The following ADGRG3 variants were observed in gnomAD, a reference collection of about 807,000 sequenced individuals.
The protein encoded by ADGRG3 is adhesion G protein-coupled receptor G3, also known as G protein-coupled receptor 97.
Under a neutral mutation model 54.3 loss-of-function variants are expected in ADGRG3, and 39 were observed. That is an observed-to-expected ratio of 0.72 (90% confidence interval 0.56 to 0.94). The LOEUF is 0.94. Ranked by LOEUF, ADGRG3 falls within the 40% of genes least tolerant of loss-of-function variation. ADGRG3 has a pLI of 0.00. For synonymous variants in ADGRG3, 312 were observed against 290.0 expected (o/e 1.08, Z -0.77); for missense variants, 654 against 694.6 (o/e 0.94, Z 0.66).
chr16:57,682,829 G>A lies in ADGRG3; in HGVS notation c.882-1103G>A, dbSNP rs568713330. ...TGCTCTGTGACCCCATAAGGCTCCC[G>A]TCCCTCTCTAAGCCTCACTCTCCTA... On this transcript the variant is annotated intron_variant, in intron 8 of 11. Coordinates refer to ENST00000333493, the MANE Select transcript of ADGRG3 (RefSeq NM_170776.5). 7.2e-5 allele frequency among the ~76,000 whole-genome samples: 11 copies of A among 152,298 alleles called. No individual in the cohort carries two copies. The East Asian group carries it at 1.2e-3, about 16-fold the overall frequency.
At chr16:57,681,743 A>AG (rs1261436348) in intron 8 of ADGRG3, among the ~76,000 whole-genome samples, 4 of 149,488 alleles carry the variant, frequency 2.7e-5, no homozygotes, top group South Asian at 4.2e-4. Context: ...AAAAAAAAAA[A>AG]AAAGAGAGAG....
Position 57,678,175 on chromosome 16 carries a change from G to C in ADGRG3, c.351G>C (p.Pro117=). Residue 117 remains proline, a synonymous_variant, in exon 4 of 12, where the codon CCG becomes CCC. Coordinates refer to ENST00000333493, the MANE Select transcript of ADGRG3 (RefSeq NM_170776.5). ...FYFSLEPSQV[P]RQVMKDEDKP... is the part of the protein sequence containing the mutation. ...TGCTGTGTCTGTGGTTGTAGGTTCC[G>C]AGGCAGGTGATGAAGGACGAGGACA... is the stretch of plus-strand genomic sequence containing the variant. 1 of 1,614,108 alleles carries C rather than the reference G, an allele frequency of 6.2e-7. No homozygotes were observed. The highest frequency in any genetic ancestry group is 8.5e-7 in the Non-Finnish European group (1 of 1,179,980).
rs376617355 is a variant in ADGRG3 at position 57,668,341 on chromosome 16, G to C, written c.-7G>C. 92 of 1,566,752 alleles carry C rather than the reference G, an allele frequency of 5.9e-5. No homozygotes were observed. In the African/African-American group the frequency reaches 1.0e-3, roughly 17 times the overall value. ...AGAGCTCCTGGCGTGGGCAAGGCTGGCCAAGGATGGCGACGCCCAGGGGCC... is the reference window on the plus strand; with the variant it reads ...AGAGCTCCTGGCGTGGGCAAGGCTGCCCAAGGATGGCGACGCCCAGGGGCC... On this transcript the variant is annotated 5_prime_UTR_variant, in exon 1 of 12. Coordinates refer to ENST00000333493, the MANE Select transcript of ADGRG3 (RefSeq NM_170776.5).
chr16:57,684,554 G>A, intron 10 of ADGRG3, 71 bp downstream of exon 10: 1 of 1,085,816 alleles, frequency 9.2e-7, no homozygotes, highest in East Asian at 2.4e-5. Context: ...GGAGAGAGGT[G>A]GGGAGAGGAG....
chr16:57,687,276 A>T (rs1328489577), intron 11 of ADGRG3, among the ~76,000 whole-genome samples: 1 of 150,120 alleles, frequency 6.7e-6, no homozygotes, highest in Non-Finnish European at 1.5e-5. Flanking sequence ...ATTGAGATGG[A>T]GTCTTGCTCT....
At chr16:57,684,560 AGGAG>A in intron 10 of ADGRG3, 77 bp downstream of exon 10, 2 of 1,068,660 alleles carry the variant, frequency 1.9e-6, no homozygotes, top group Non-Finnish European at 2.8e-6. Context: ...AGGTGGGGAG[AGGAG>A]GGATTTCTAG....
At position 57,676,189 on chromosome 16, in the gene ADGRG3, G is replaced by A; in HGVS notation, c.207-11G>A. On this transcript the variant is annotated splice_polypyrimidine_tract_variant and intron_variant, in intron 2 of 11. Coordinates refer to ENST00000333493, the MANE Select transcript of ADGRG3 (RefSeq NM_170776.5). Reference sequence around the variant, plus strand: ...GGATCCTACCCTCCCCCCATCCCTGGCCCTTTGCAGATACTGGCTAAACTA... The same window carrying A: ...GGATCCTACCCTCCCCCCATCCCTGACCCTTTGCAGATACTGGCTAAACTA... 6.2e-7 allele frequency: 1 copy of A among 1,613,374 alleles called. No homozygotes were observed. The highest frequency in any genetic ancestry group is 8.5e-7 in the Non-Finnish European group (1 of 1,179,492).
chr16:57,673,678 C>T (rs1260713345), intron 2 of ADGRG3, among the ~76,000 whole-genome samples: 1 of 152,130 alleles, frequency 6.6e-6, no homozygotes, highest in East Asian at 1.9e-4. Flanking sequence ...GAGATGAATC[C>T]ACTCCTATCC....
chr16:57,686,795 A>G (rs1567863371), intron 11 of ADGRG3: 2 of 152,254 alleles, frequency 1.3e-5, no homozygotes, highest in East Asian at 1.9e-4. Context: ...TGATGTCCAC[A>G]TGACATGGAT....
In ADGRG3 at chr16:57,682,515, A is replaced by G. The variant is rs8047692; in HGVS notation, c.882-1417A>G. ...GCCTAGGACATGGTCCCCATCCCCA[A>G]CAAGCCGAGTGTGACTTGCCAGCTG... On this transcript the variant is annotated intron_variant, in intron 8 of 11. Coordinates refer to ENST00000333493, the MANE Select transcript of ADGRG3 (RefSeq NM_170776.5). 0.025 allele frequency: 24,667 copies of G among 985,188 alleles called. 3,524 individuals carry two copies. The African/African-American group carries it at 0.33, about 13-fold the overall frequency. The allele number at this position is 985,188 out of a possible 1,614,324, so 61.0% of individuals were successfully genotyped here.
chr16:57,678,537 C>A (rs754191276), intron 4 of ADGRG3: 1 of 576,374 alleles, frequency 1.7e-6, no homozygotes, highest in Non-Finnish European at 3.1e-6. Flanking sequence ...TGTTTGACCC[C>A]CACACATGAG....
intron 8 of ADGRG3, 96 bp downstream of exon 8, chr16:57,680,713 C>A: frequency 3.7e-6 from 3 of 811,316 alleles, no homozygotes; most frequent in African/African-American, 1.7e-5. Flanking sequence ...AGCCTCTGAC[C>A]GTTGTCCCCT....
intron 1 of ADGRG3, 108 bp downstream of exon 1, chr16:57,668,513 G>T (rs1360226950): frequency 9.3e-7 from 1 of 1,080,814 alleles, no homozygotes; most frequent in African/African-American, 1.6e-5. Flanking sequence ...AGGAGTTGGG[G>T]TGTCTGGGAT....
chr16:57,671,053 G>A (rs949702493), intron 1 of ADGRG3, among the ~76,000 whole-genome samples: 4 of 152,090 alleles, frequency 2.6e-5, no homozygotes, highest in Non-Finnish European at 4.4e-5. Context: ...CACCCTCAAA[G>A]GGAGAAGGAT....
upstream of ADGRG3, chr16:57,665,647 C>G (rs2048035703): frequency 6.6e-6 from 1 of 152,304 alleles, no homozygotes; most frequent in African/African-American, 2.4e-5. Context: ...CACGCAGGTT[C>G]CCATCTTCCC....
At position 57,688,667 on chromosome 16, in the gene ADGRG3, A is replaced by G. The variant is rs1052889538; in HGVS notation, c.*206A>G. On this transcript the variant is annotated 3_prime_UTR_variant, in exon 12 of 12. Transcript: ENST00000333493. ...CAAGAGTCCACGTAAGCAGGTTTGC[A>G]AGGCTCTAAAGTTCCTATAGTCCTG... 1 of 559,396 alleles carries G rather than the reference A, an allele frequency of 1.8e-6. No individual in the cohort carries two copies. The highest frequency in any genetic ancestry group is 3.2e-6 in the Non-Finnish European group (1 of 311,266). 34.7% of individuals were successfully genotyped at this position (559,396 alleles called of 1,614,324 possible).
chr16:57,669,892 G>A (rs962312711), intron 1 of ADGRG3, among the ~76,000 whole-genome samples: 5 of 152,176 alleles, frequency 3.3e-5, no homozygotes, highest in African/African-American at 1.2e-4. Context: ...AGGGACACGT[G>A]ACAAAGGTGC....
At chr16:57,678,127 G>A (rs748098366) in intron 3 of ADGRG3, 43 bp from the exon 4 acceptor site, 1 of 1,600,214 alleles carries the variant, frequency 6.2e-7, no homozygotes, top group Non-Finnish European at 8.5e-7. Context: ...GACTCGTGTT[G>A]GGGGGTGGGT....
chr16:57,680,418 GC>G, intron 7 of ADGRG3, 53 bp downstream of exon 7: 2 of 1,567,664 alleles, frequency 1.3e-6, no homozygotes, highest in Non-Finnish European at 1.8e-6. Flanking sequence ...TCCAGCTCCT[GC>G]CCTGGGGAGG....
Sources: allele counts gnomAD v4.1 joint callset (sites outside exome capture counted in the v4.1 genomes callset), GRCh38; gene constraint gnomAD v4.1.1; transcripts MANE v1.5; gene names NCBI Gene and HGNC (gene_info 2026-07-23, HGNC 2026-07-21).